The following ACACB variants were observed in gnomAD, a reference collection of about 807,000 sequenced individuals.
The protein encoded by ACACB is acetyl-CoA carboxylase beta.
Under a neutral mutation model 278.8 loss-of-function variants are expected in ACACB, and 209 were observed. That is an observed-to-expected ratio of 0.75 (90% CI 0.67 to 0.84). The LOEUF (loss-of-function observed/expected upper bound fraction) is 0.84, where lower values mean the gene tolerates loss of function less well. Ranked by LOEUF, ACACB falls within the 40% of genes least tolerant of loss-of-function variation. The probability of loss-of-function intolerance (pLI) is 0.00; values close to 1 mark genes in which losing one functional copy is unlikely to be tolerated. For missense variants in ACACB, 2,850 were observed against 3,269.0 expected, an observed-to-expected ratio of 0.87 and a Z score of 3.13; for synonymous variants, 1,174 against 1,285.6, an observed-to-expected ratio of 0.91 and a Z score of 1.86.
At chr12:109,154,288 T>C (rs1034810959) in intron 2 of ACACB, among the ~76,000 whole-genome samples, 34 of 151,792 alleles carry the variant, frequency 2.2e-4, no homozygotes, top group African/African-American at 7.8e-4. Flanking sequence ...GGAGTGGAGG[T>C]GAAAAGATGA....
rs71443838 is a variant in ACACB, at chr12:109,133,836, C to CATATATATAT, written c.-9-5542_-9-5533dup. On this transcript the variant is annotated intron_variant, in intron 1 of 52. Transcript: ENST00000338432. The stretch of plus-strand genomic sequence containing the variant: ...CATTGGTTGGTGCTCAATGTGTGTG[C>CATATATATAT]ATATATATATATATATATATATATA... Among the ~76,000 whole-genome samples the CATATATATAT allele has an allele frequency of 4.7e-3, 207 of 44,376 alleles. 3 individuals carry two copies. The highest frequency in any genetic ancestry group is 8.4e-3 in the African/African-American group (56 of 6,692). The allele number at this position is 44,376 out of a possible 152,430, so 29.1% of individuals were successfully genotyped here.
intron 41 of ACACB, 60 bp from the exon 42 acceptor site, chr12:109,251,986 G>A: frequency 7.5e-7 from 1 of 1,328,312 alleles, no homozygotes; most frequent in Non-Finnish European, 1.0e-6. Flanking sequence ...ACTCTTCCCT[G>A]CTGTGGGGGG....
At position 109,195,246 on chromosome 12, in the gene ACACB, G is replaced by T. The variant is rs544714492; in HGVS notation, c.2481+1517G>T. On this transcript the variant is annotated intron_variant, in intron 16 of 52. Coordinates refer to ENST00000338432, the MANE Select transcript of ACACB (RefSeq NM_001093.4). ...GCCCAGTACTTCCCAGCCTCACATT[G>T]TCAGGAGGGAAAAGAGGACAGAGTT... is the stretch of plus-strand genomic sequence containing the variant. Among the ~76,000 whole-genome samples, 9 of 152,334 alleles carry T rather than the reference G, an allele frequency of 5.9e-5. No individual in the cohort carries two copies. The East Asian group carries it at 1.7e-3, about 29-fold the overall frequency.
intron 2 of ACACB, among the ~76,000 whole-genome samples, chr12:109,142,296 A>C (rs990153563): frequency 6.6e-6 from 1 of 152,176 alleles, no homozygotes; most frequent in Non-Finnish European, 1.5e-5. Context: ...AACTTATAAC[A>C]TGATTATTAT....
intron 48 of ACACB, among the ~76,000 whole-genome samples, chr12:109,262,147 C>A (rs922197342): frequency 6.6e-6 from 1 of 152,140 alleles, no homozygotes; most frequent in East Asian, 1.9e-4. Context: ...AAACAGTTGG[C>A]TCAGTCTTTC....
intron 2 of ACACB, among the ~76,000 whole-genome samples, chr12:109,140,259 CTT>C (rs2043078802): frequency 2.0e-5 from 1 of 49,392 alleles, no homozygotes; most frequent in Middle Eastern, 9.8e-3. Context: ...TCCTTCCATC[CTT>C]CCTTCCTTCT....
intron 40 of ACACB, among the ~76,000 whole-genome samples, chr12:109,248,232 T>C (rs1292030931): frequency 6.6e-6 from 1 of 152,200 alleles, no homozygotes; most frequent in East Asian, 1.9e-4. Context: ...TGAGATCTCA[T>C]AAACATCTTT....
intron 2 of ACACB, among the ~76,000 whole-genome samples, chr12:109,140,376 G>A (rs1283125508): frequency 6.8e-6 from 1 of 146,564 alleles, no homozygotes; most frequent in African/African-American, 2.6e-5. Flanking sequence ...ATTCCTTGAG[G>A]CTGGGCACAG....
At chr12:109,265,783 G>T (rs754765020) in intron 52 of ACACB, among the ~76,000 whole-genome samples, 1 of 152,222 alleles carries the variant, frequency 6.6e-6, no homozygotes, top group Non-Finnish European at 1.5e-5. Context: ...CATGAACCTT[G>T]CTGGAATATG....
At chr12:109,118,116 T>G (rs752499237) in intron 1 of ACACB, among the ~76,000 whole-genome samples, 51 of 152,188 alleles carry the variant, frequency 3.4e-4, no homozygotes, top group Admixed American at 5.9e-4. Context: ...CAAGATTTCT[T>G]TTTATGACTT....
chr12:109,234,743 T>G (rs932793437), intron 31 of ACACB, among the ~76,000 whole-genome samples: 2 of 148,006 alleles, frequency 1.4e-5, no homozygotes, highest in Non-Finnish European at 3.0e-5. Context: ...AAGTGGGAGC[T>G]GAACATTGAG....
intron 18 of ACACB, 99 bp from the exon 19 acceptor site, chr12:109,201,468 A>G: frequency 7.0e-7 from 1 of 1,421,200 alleles, no homozygotes; most frequent in South Asian, 1.3e-5. Flanking sequence ...GTCCCTGGGT[A>G]GTGTCCCGGC....
At chr12:109,179,328 C>T (rs780458739) in intron 10 of ACACB, 31 bp downstream of exon 10, 10 of 1,598,728 alleles carry the variant, frequency 6.3e-6, no homozygotes, top group East Asian at 2.2e-5. Flanking sequence ...GGGGCAGCTT[C>T]AGAGAGAGCC....
At position 109,199,566 on chromosome 12, in the gene ACACB, C is replaced by G; in HGVS notation, c.2778+14C>G. On this transcript the variant is annotated intron_variant, in intron 18 of 52. Coordinates refer to ENST00000338432, the MANE Select transcript of ACACB (RefSeq NM_001093.4). ...GCTGAGATGGAGGTGACTGCAGAGC[C>G]GGCCGTGGGGAATCCTGAACCCTCA... 1 of 1,434,718 alleles carries G rather than the reference C, an allele frequency of 7.0e-7. No individual in the cohort carries two copies. Among genetic ancestry groups the G allele is most frequent in the Non-Finnish European group, 9.2e-7 (1 of 1,084,718 alleles). 88.9% of individuals were successfully genotyped at this position (1,434,718 alleles called of 1,614,324 possible). A position where few individuals can be genotyped will look rare whatever the true frequency, so the allele number is the denominator to read the frequency against.
chr12:109,248,519 T>C (rs2047009308), intron 40 of ACACB, among the ~76,000 whole-genome samples: 1 of 151,854 alleles, frequency 6.6e-6, no homozygotes, highest in African/African-American at 2.4e-5. Context: ...ACCACTGGCG[T>C]GAGTCCAAGA....
chr12:109,157,731 G>A (rs2043589070), intron 2 of ACACB, among the ~76,000 whole-genome samples: 1 of 152,152 alleles, frequency 6.6e-6, no homozygotes, highest in East Asian at 1.9e-4. Context: ...TGAAGGCTCG[G>A]GCCATCTAAG....
In ACACB at chr12:109,233,831, C is replaced by G. The variant is rs774729759; in HGVS notation, c.4223C>G (p.Ser1408Cys). The G allele has an allele frequency of 1.9e-6, 3 of 1,614,214 alleles. No homozygotes were observed. Among genetic ancestry groups the G allele is most frequent in the Admixed American group, 3.3e-5 (2 of 60,030 alleles). Residue 1408 changes from serine to cysteine, a missense_variant, in exon 30 of 53, where the codon TCC (serine) becomes TGC (cysteine). This residue lies in a region of ACACB where 2,265 missense variants were observed against 2,561.3 expected (regional missense o/e 0.88). Transcript: ENST00000338432. Reference sequence around the variant, plus strand: ...AGCGAGGCCCGCACCTCCCTATACTCCGAGGATGACTGCAAGGTAAGCGTC... The same window carrying G: ...AGCGAGGCCCGCACCTCCCTATACTGCGAGGATGACTGCAAGGTAAGCGTC... ...LFSEARTSLY[S>C]EDDCKSLREE...
chr12:109,265,925 G>T (rs1468018764), intron 52 of ACACB, among the ~76,000 whole-genome samples: 2 of 152,246 alleles, frequency 1.3e-5, no homozygotes, highest in African/African-American at 2.4e-5. Context: ...TTGCCATGGG[G>T]TCACCCCGTG....
intron 40 of ACACB, among the ~76,000 whole-genome samples, chr12:109,248,703 T>C (rs1452524338): frequency 1.3e-5 from 2 of 152,208 alleles, no homozygotes; most frequent in Non-Finnish European, 2.9e-5. Context: ...ACATTGAGGA[T>C]GGGTCTTCCT....
Sources: allele counts gnomAD v4.1 joint callset (sites outside exome capture counted in the v4.1 genomes callset), GRCh38; gene constraint gnomAD v4.1.1; regional missense constraint gnomAD v4.1.1; transcripts MANE v1.5; gene names NCBI Gene and HGNC (gene_info 2026-07-23, HGNC 2026-07-21).